Variants in SLC24A3 observed in about 807,000 individuals in gnomAD.
SLC24A3 encodes the protein solute carrier family 24 member 3.
A neutral mutation model predicts 75.8 loss-of-function variants in SLC24A3; 28 were observed. The ratio of observed to expected loss-of-function variants is 0.37; its 90% CI spans 0.27 to 0.51. The LOEUF (loss-of-function observed/expected upper bound fraction) is 0.51. Ranked by LOEUF, SLC24A3 falls within the 20% of genes least tolerant of loss-of-function variation. The pLI is 0.94. For synonymous variants in SLC24A3, 372 were observed against 334.1 expected, an observed-to-expected ratio of 1.11 and a Z score of -1.24; for missense variants, 663 against 847.8, an observed-to-expected ratio of 0.78 and a Z score of 2.71.
chr20:19,339,940 G>C lies in SLC24A3; in HGVS notation c.271+58853G>C, dbSNP rs991219057. 3.9e-5 allele frequency among the ~76,000 whole-genome samples: 6 copies of C among 152,282 alleles called. No individual in the cohort carries two copies. The East Asian group carries it at 1.2e-3, about 29-fold the overall frequency. ...TGGCAGTTTATGAAACGAGATGTTT[G>C]ATGAAAGTAACATTCTAACCAGGAC... is the stretch of plus-strand genomic sequence containing the variant. On this transcript the variant is annotated intron_variant, in intron 2 of 16. Coordinates refer to ENST00000328041, the MANE Select transcript of SLC24A3 (RefSeq NM_020689.4).
intron 2 of SLC24A3, among the ~76,000 whole-genome samples, chr20:19,300,911 A>G (rs1007804142): frequency 6.6e-6 from 1 of 152,012 alleles, no homozygotes; most frequent in African/African-American, 2.4e-5. Context: ...CTTCCTCCAG[A>G]TGAGATCACA....
intron 6 of SLC24A3, among the ~76,000 whole-genome samples, chr20:19,635,229 T>C (rs906027019): frequency 6.6e-6 from 1 of 151,696 alleles, no homozygotes; most frequent in Non-Finnish European, 1.5e-5. Context: ...ATAGCGAGAG[T>C]AGTCTAGAGT....
intron 2 of SLC24A3, among the ~76,000 whole-genome samples, chr20:19,491,379 C>A (rs1235947066): frequency 6.6e-6 from 1 of 152,174 alleles, no homozygotes; most frequent in Non-Finnish European, 1.5e-5. Context: ...TGCTTGGTTC[C>A]CTAGCACCAA....
chr20:19,593,111 T>C (rs1458193750), intron 6 of SLC24A3, among the ~76,000 whole-genome samples: 1 of 152,216 alleles, frequency 6.6e-6, no homozygotes, highest in Admixed American at 6.5e-5. Flanking sequence ...AGACTTTCAA[T>C]GTACAAGTTG....
intron 12 of SLC24A3, among the ~76,000 whole-genome samples, chr20:19,693,025 A>G (rs566926887): frequency 2.0e-5 from 3 of 152,048 alleles, no homozygotes; most frequent in Admixed American, 2.0e-4. Flanking sequence ...CTCATTTCGG[A>G]GACCTAATCA....
chr20:19,641,583 G>C (rs1343514618), intron 6 of SLC24A3, among the ~76,000 whole-genome samples: 1 of 152,136 alleles, frequency 6.6e-6, no homozygotes, highest in Non-Finnish European at 1.5e-5. Context: ...TGGGACTGGG[G>C]AGTGCTAGGG....
At chr20:19,526,614 G>A (rs1358450507) in intron 3 of SLC24A3, among the ~76,000 whole-genome samples, 1 of 152,156 alleles carries the variant, frequency 6.6e-6, no homozygotes, top group Admixed American at 6.5e-5. Flanking sequence ...CAACGTCCAG[G>A]TCACGCTTTG....
At chr20:19,408,551 G>A (rs566929734) in intron 2 of SLC24A3, among the ~76,000 whole-genome samples, 9 of 151,992 alleles carry the variant, frequency 5.9e-5, no homozygotes, top group East Asian at 1.9e-4. Flanking sequence ...CACTACTCCC[G>A]GCTAATTTTT....
chr20:19,383,631 CT>C (rs1986222004), intron 2 of SLC24A3, among the ~76,000 whole-genome samples: 1 of 152,150 alleles, frequency 6.6e-6, no homozygotes, highest in Non-Finnish European at 1.5e-5. Flanking sequence ...ATCTGTTCCA[CT>C]TTTGTCTTGG....
intron 2 of SLC24A3, among the ~76,000 whole-genome samples, chr20:19,346,099 A>G (rs1985396401): frequency 1.4e-5 from 1 of 72,202 alleles, no homozygotes. Context: ...ATATATATAT[A>G]TATATATATG....
intron 6 of SLC24A3, among the ~76,000 whole-genome samples, chr20:19,653,857 T>C (rs1022818047): frequency 1.3e-5 from 2 of 152,160 alleles, no homozygotes; most frequent in African/African-American, 2.4e-5. Context: ...GCTAACAAAA[T>C]TGTTGCAGGT....
intron 6 of SLC24A3, among the ~76,000 whole-genome samples, chr20:19,600,627 C>T (rs1031454662): frequency 6.6e-6 from 1 of 152,174 alleles, no homozygotes; most frequent in Non-Finnish European, 1.5e-5. Context: ...TATGCACAAG[C>T]ACTAAGCTAA....
intron 3 of SLC24A3, among the ~76,000 whole-genome samples, chr20:19,541,566 C>T (rs1349192619): frequency 6.6e-6 from 1 of 152,210 alleles, no homozygotes; most frequent in Admixed American, 6.5e-5. Flanking sequence ...CCGCCCCCAT[C>T]CACTTGGAAT....
intron 2 of SLC24A3, among the ~76,000 whole-genome samples, chr20:19,478,294 G>T (rs1475036504): frequency 6.6e-6 from 1 of 152,172 alleles, no homozygotes; most frequent in African/African-American, 2.4e-5. Context: ...GATCTTTAGG[G>T]CTCTATTTTT....
intron 2 of SLC24A3, among the ~76,000 whole-genome samples, chr20:19,405,296 T>C (rs1322777543): frequency 6.6e-6 from 1 of 152,204 alleles, no homozygotes; most frequent in Non-Finnish European, 1.5e-5. Flanking sequence ...ATTCTCATGT[T>C]GGTGCTTCTT....
chr20:19,388,237 AT>A (rs1205791959), intron 2 of SLC24A3, among the ~76,000 whole-genome samples: 1 of 151,966 alleles, frequency 6.6e-6, no homozygotes, highest in Non-Finnish European at 1.5e-5. Context: ...CTATTTCTCC[AT>A]TTACTTCTGT....
intron 1 of SLC24A3, among the ~76,000 whole-genome samples, chr20:19,246,504 A>C (rs933806727): frequency 6.6e-6 from 1 of 152,036 alleles, no homozygotes; most frequent in Non-Finnish European, 1.5e-5. Context: ...AGATAAAGTG[A>C]CTCTTACCGA....
chr20:19,480,487 G>A (rs1206480541), intron 2 of SLC24A3, among the ~76,000 whole-genome samples: 4 of 152,182 alleles, frequency 2.6e-5, no homozygotes, highest in Non-Finnish European at 5.9e-5. Context: ...AAAAAGTTGT[G>A]TCCAGTTTGA....
At chr20:19,565,203 G>A (rs1011277381) in intron 3 of SLC24A3, among the ~76,000 whole-genome samples, 13 of 152,170 alleles carry the variant, frequency 8.5e-5, no homozygotes, top group East Asian at 1.9e-4. Context: ...CAAAGGCTCC[G>A]CTTACATATG....
Sources: gnomAD v4.1 joint callset for allele counts (sites outside exome capture counted in the v4.1 genomes callset) on GRCh38, gnomAD v4.1.1 for gene constraint, MANE v1.5 for transcripts, NCBI Gene and HGNC (gene_info 2026-07-23, HGNC 2026-07-21) for gene names.